DOT1L: variants seen among roughly 807,000 people sequenced by gnomAD.
DOT1L encodes histone-lysine N-methyltransferase, H3 lysine-79 specific.
In DOT1L, 33 loss-of-function variants were observed where a neutral mutation model predicts 153.3. The ratio of observed to expected loss-of-function variants is 0.22; its 90% CI spans 0.16 to 0.29. The LOEUF (loss-of-function observed/expected upper bound fraction) is 0.29, where lower values mean the gene tolerates loss of function less well. Among genes scored for constraint, DOT1L ranks in the 10% least tolerant of loss-of-function variants. The probability of loss-of-function intolerance (pLI) is 1.00; values close to 1 mark genes in which losing one functional copy is unlikely to be tolerated. For missense variants in DOT1L, 1,847 were observed against 2,119.9 expected (o/e 0.87, Z 2.53); for synonymous variants, 1,135 against 965.1 (o/e 1.18, Z -3.26).
At chr19:2,168,496 G>T (rs557289755) in intron 1 of DOT1L, among the ~76,000 whole-genome samples, 2 of 152,196 alleles carry the variant, frequency 1.3e-5, no homozygotes, top group Non-Finnish European at 2.9e-5. Flanking sequence ...GTCCACGCTC[G>T]GAAATGAGCA....
intron 16 of DOT1L, 63 bp from the exon 17 acceptor site, chr19:2,213,476 C>A: frequency 5.8e-6 from 9 of 1,543,558 alleles, no homozygotes; most frequent in African/African-American, 1.4e-5. Flanking sequence ...GGGCGTGGGC[C>A]CTCCCTGTGG....
chr19:2,220,039 G>A lies in DOT1L; in HGVS notation c.2692-69G>A. On this transcript the variant is annotated intron_variant, in intron 22 of 27. Coordinates refer to ENST00000398665, the MANE Select transcript of DOT1L (RefSeq NM_032482.3). The surrounding 1 kb of genome is among the most constrained non-coding windows in gnomAD (Gnocchi z 4.5). ...CCAGCTGCAGGCCTCAACACTCACT[G>A]TTTCCAGCTGGGTTCTGGGTCTCCT... 1 of 1,446,594 alleles carries A rather than the reference G, an allele frequency of 6.9e-7. No homozygotes were observed. Among genetic ancestry groups the A allele is most frequent in the Non-Finnish European group, 9.4e-7 (1 of 1,058,860 alleles). The allele number at this position is 1,446,594 out of a possible 1,614,324, so 89.6% of individuals were successfully genotyped here. A position where few individuals can be genotyped will look rare whatever the true frequency, so the allele number is the denominator to read the frequency against.
intron 1 of DOT1L, among the ~76,000 whole-genome samples, chr19:2,165,163 GC>G (rs1417360785): frequency 6.6e-6 from 1 of 152,202 alleles, no homozygotes; most frequent in Non-Finnish European, 1.5e-5. Flanking sequence ...TCCGGGCTGG[GC>G]AGGGCGCGTT....
chr19:2,218,486 C>G (rs1406551366), intron 22 of DOT1L, among the ~76,000 whole-genome samples: 3 of 151,852 alleles, frequency 2.0e-5, no homozygotes, highest in Non-Finnish European at 4.4e-5. Context: ...CTCCACCTCC[C>G]GGGTTCACGC....
At chr19:2,168,986 T>G (rs372661235) in intron 1 of DOT1L, among the ~76,000 whole-genome samples, 1 of 152,144 alleles carries the variant, frequency 6.6e-6, no homozygotes, top group Non-Finnish European at 1.5e-5. Flanking sequence ...CATTATTGGT[T>G]GTTTGCTCGG....
chr19:2,222,270 T>C lies in DOT1L; in HGVS notation c.3101T>C (p.Phe1034Ser), dbSNP rs2024148412. 1 of 1,613,100 alleles carries C rather than the reference T, an allele frequency of 6.2e-7. No homozygotes were observed. The highest frequency in any genetic ancestry group is 1.3e-5 in the African/African-American group (1 of 75,030). ...SKGDLPSDSG[F>S]SDPESEAKRR... ...GGAGACCTGCCCTCCGATTCCGGCT[T>C]CTCAGATCCTGAGAGTGAAGCCAAG... Residue 1034 changes from phenylalanine (F) to serine (S), a missense_variant, in exon 24 of 28, where the codon TTC (phenylalanine) becomes TCC (serine). This residue lies in a region of DOT1L where 934 missense variants were observed against 825.3 expected (regional missense o/e 1.13). Transcript: ENST00000398665. This position sits in a 1 kb window ranked among gnomAD's most constrained non-coding sequence, Gnocchi z 6.5.
intron 3 of DOT1L, among the ~76,000 whole-genome samples, chr19:2,189,365 C>T (rs2022690749): frequency 6.6e-6 from 1 of 152,210 alleles, no homozygotes; most frequent in African/African-American, 2.4e-5. Flanking sequence ...CCCTCTAAGG[C>T]CGGCCCCAGG....
rs1307715949 is a variant in DOT1L at position 2,164,197 on chromosome 19, C to G, written c.13C>G (p.Leu5Val). The G allele has an allele frequency of 4.0e-6, 5 of 1,262,942 alleles. No homozygotes were observed. In the African/African-American group the frequency reaches 7.8e-5, roughly 20 times the overall value. 78.2% of individuals were successfully genotyped at this position (1,262,942 alleles called of 1,614,324 possible). MGEK[L>V]ELRLKSPVGA... Reference sequence around the variant, plus strand: ...CGCGCGCGCGGACATGGGGGAGAAGCTGGAGCTGAGACTGAAGTCGCCCGT... The same window carrying G: ...CGCGCGCGCGGACATGGGGGAGAAGGTGGAGCTGAGACTGAAGTCGCCCGT... The change falls in exon 1 of 28, where the codon CTG (leucine) becomes GTG (valine). Residue 5 changes from leucine to valine, a missense_variant. Transcript: ENST00000398665.
chr19:2,165,438 C>G (rs530134797), intron 1 of DOT1L, among the ~76,000 whole-genome samples: 2 of 152,204 alleles, frequency 1.3e-5, no homozygotes, highest in African/African-American at 4.8e-5. Context: ...CCGCACGTCC[C>G]GCGCGCGGGG....
At chr19:2,205,280 C>T (rs1337730117) in intron 9 of DOT1L, among the ~76,000 whole-genome samples, 1 of 152,120 alleles carries the variant, frequency 6.6e-6, no homozygotes, top group East Asian at 1.9e-4. Context: ...CACATTTTGA[C>T]TTTTATGATT....
rs534107599 is a variant in DOT1L, at chr19:2,229,303, C to T, written c.4607-482C>T. The T allele has an allele frequency of 5.9e-5, 58 of 985,450 alleles. No individual in the cohort carries two copies. The African/African-American group carries it at 9.6e-4, about 16-fold the overall frequency. The allele number at this position is 985,450 out of a possible 1,614,324, so 61.0% of individuals were successfully genotyped here. On this transcript the variant is annotated intron_variant, in intron 27 of 27. Transcript: ENST00000398665. ...TGCCTGGCGGCGTAGTGCAAAGGTGCCCTCTGCTTGCCCCTGGCCTTCTGC... is the reference window on the plus strand; with the variant it reads ...TGCCTGGCGGCGTAGTGCAAAGGTGTCCTCTGCTTGCCCCTGGCCTTCTGC...
At position 2,193,567 on chromosome 19, in the gene DOT1L, CTG is replaced by C. The variant is rs1459301124; in HGVS notation, c.494-119_494-118del. ...TTGGAGCATCGGATATGTGTGGAGA[CTG>C]TGGCCTCCCCTGTGGGTCTTCATGG... On this transcript the variant is annotated intron_variant, in intron 5 of 27. Coordinates refer to ENST00000398665, the MANE Select transcript of DOT1L (RefSeq NM_032482.3). This position sits in a 1 kb window ranked among gnomAD's most constrained non-coding sequence, Gnocchi z 5.9. The C allele has an allele frequency of 4.0e-5, 33 of 828,586 alleles. No individual in the cohort carries two copies. The Middle Eastern group carries it at 9.8e-4, about 25-fold the overall frequency. The allele number at this position is 828,586 out of a possible 1,614,324, so 51.3% of individuals were successfully genotyped here. A position where few individuals can be genotyped will look rare whatever the true frequency, so the allele number is the denominator to read the frequency against.
chr19:2,223,210 G>C, intron 24 of DOT1L, 71 bp from the exon 25 acceptor site: 1 of 1,546,958 alleles, frequency 6.5e-7, no homozygotes, highest in South Asian at 1.2e-5. Context: ...GCCTCCTGGG[G>C]CGGGGGGGCT....
chr19:2,176,718 A>G (rs1008653715), intron 1 of DOT1L, among the ~76,000 whole-genome samples: 1 of 152,218 alleles, frequency 6.6e-6, no homozygotes, highest in Non-Finnish European at 1.5e-5. Flanking sequence ...AAACACTGCC[A>G]GCCAGACATG....
intron 23 of DOT1L, chr19:2,221,512 G>A (rs1490084071): frequency 1.2e-5 from 2 of 164,680 alleles, no homozygotes; most frequent in Admixed American, 6.1e-5. Context: ...ACCACTCATC[G>A]TGGGCTGGGA....
Position 2,226,705 on chromosome 19 carries a change from C to T in DOT1L, c.4184C>T (p.Pro1395Leu), listed in dbSNP as rs750419812. 1.6e-5 allele frequency: 25 copies of T among 1,570,016 alleles called. No individual in the cohort carries two copies. In the Middle Eastern group the frequency reaches 6.7e-4, roughly 42 times the overall value. Residue 1395 changes from proline to leucine, a missense_variant, in exon 27 of 28, where the codon CCG (proline) becomes CTG (leucine). Around this residue, in one of 8 missense-constraint regions of DOT1L, gnomAD observed 934 missense variants for 825.3 expected, o/e 1.13. Transcript: ENST00000398665. ...AAGGAGGCAGGGGAGGGCGGCCTACCGCTGTGCGGGCCCACGGACAAGACC... is the reference window on the plus strand; with the variant it reads ...AAGGAGGCAGGGGAGGGCGGCCTACTGCTGTGCGGGCCCACGGACAAGACC... ...RGKEAGEGGLPLCGPTDKTPL... is the reference protein window; with the variant it reads ...RGKEAGEGGLLLCGPTDKTPL...
Position 2,216,492 on chromosome 19 carries a change from C to T in DOT1L, c.2135C>T (p.Ser712Phe). 3 of 1,612,624 alleles carry T rather than the reference C, an allele frequency of 1.9e-6. No homozygotes were observed. Among genetic ancestry groups the T allele is most frequent in the Non-Finnish European group, 2.5e-6 (3 of 1,179,960 alleles). Residue 712 changes from serine to phenylalanine, a missense_variant, in exon 20 of 28, where the codon TCC (serine) becomes TTC (phenylalanine). Ser to Phe is a radical substitution (Grantham distance 155). Transcript: ENST00000398665. ...PHLSSMSPEL[S>F]MNGQAAGYEL... ...TTGAGCAGCATGAGCCCGGAGCTCT[C>T]CATGAACGGCCAGGCTGCTGGCTAT...
Position 2,232,299 on chromosome 19 carries a change from C to G in DOT1L, c.*2507C>G, listed in dbSNP as rs1025409021. On this transcript the variant is annotated 3_prime_UTR_variant, in exon 28 of 28. Coordinates refer to ENST00000398665, the MANE Select transcript of DOT1L (RefSeq NM_032482.3). ...GACTTCCCCCTTAATTTATCTGCCC[C>G]CAGGATGCGTCAGTCTGTTCAGTGG... 1.1e-4 allele frequency: 24 copies of G among 216,826 alleles called. No individual in the cohort carries two copies. The highest frequency in any genetic ancestry group is 1.2e-4 in the Admixed American group (2 of 17,196). 13.4% of individuals were successfully genotyped at this position (216,826 alleles called of 1,614,324 possible). A position where few individuals can be genotyped will look rare whatever the true frequency, so the allele number is the denominator to read the frequency against.
chr19:2,167,401 C>T (rs954702282), intron 1 of DOT1L, among the ~76,000 whole-genome samples: 1 of 152,212 alleles, frequency 6.6e-6, no homozygotes, highest in Admixed American at 6.5e-5. Context: ...TGTCCCCGCC[C>T]GCATGCCTGC....
Sources: gnomAD v4.1 joint callset for allele counts (sites outside exome capture counted in the v4.1 genomes callset) on GRCh38, gnomAD v4.1.1 for gene constraint, gnomAD v4.1.1 regional missense constraint, Gnocchi (gnomAD v3.1) non-coding constraint, MANE v1.5 for transcripts, NCBI Gene and HGNC (gene_info 2026-07-23, HGNC 2026-07-21) for gene names.